TMEM209: variants seen among roughly 807,000 people sequenced by gnomAD.
TMEM209 encodes the protein testicular tissue protein Li 202.
A neutral mutation model predicts 76.2 loss-of-function variants in TMEM209; 65 were observed. The observed-to-expected ratio is 0.85, with a 90% CI of 0.70 to 1.05. TMEM209 has a LOEUF of 1.05. Among genes scored for constraint, TMEM209 ranks in the 50% least tolerant of loss-of-function variants. The pLI, the probability that TMEM209 is intolerant of heterozygous loss-of-function variation, is 0.00. For missense variants in TMEM209, 623 were observed against 685.5 expected, an observed-to-expected ratio of 0.91 and a Z score of 1.02; for synonymous variants, 239 against 237.6, an observed-to-expected ratio of 1.01 and a Z score of -0.06.
At chr7:130,182,127 A>G in intron 8 of TMEM209, 1 of 168,032 alleles carries the variant, frequency 6.0e-6, no homozygotes, top group Non-Finnish European at 1.3e-5. Flanking sequence ...TTTTTAGTAG[A>G]GACGGGGTTT....
chr7:130,178,376 T>G, intron 10 of TMEM209, 26 bp downstream of exon 10: 1 of 1,562,674 alleles, frequency 6.4e-7, no homozygotes, highest in Non-Finnish European at 8.7e-7. Context: ...AAGCTCTTAT[T>G]TTTTTCTCTT....
intron 8 of TMEM209, 70 bp from the exon 9 acceptor site, chr7:130,181,789 T>C: frequency 7.6e-7 from 1 of 1,310,278 alleles, no homozygotes; most frequent in Non-Finnish European, 1.1e-6. Flanking sequence ...ACTTTCTTTT[T>C]TACAAGCAAC....
intron 14 of TMEM209, among the ~76,000 whole-genome samples, chr7:130,170,073 T>C (rs1797018140): frequency 6.6e-6 from 1 of 152,076 alleles, no homozygotes; most frequent in Admixed American, 6.5e-5. Flanking sequence ...TGAAATGAAA[T>C]GGCTTGGAAA....
intron 3 of TMEM209, 67 bp downstream of exon 3, chr7:130,203,721 G>C: frequency 7.5e-7 from 1 of 1,328,418 alleles, no homozygotes; most frequent in East Asian, 2.4e-5. Flanking sequence ...TGTATACTAA[G>C]CTGAATTAAA....
In TMEM209 at chr7:130,202,068, C is replaced by T. The variant is rs200051270; in HGVS notation, c.355G>A (p.Asp119Asn). 3 of 1,613,380 alleles carry T rather than the reference C, an allele frequency of 1.9e-6. No individual in the cohort carries two copies. The highest frequency in any genetic ancestry group is 3.3e-5 in the Admixed American group (2 of 59,962). ...GGAGGGATTTGGGTTGCTGCCAGATCATGTGGAGGCGTAGTCTGTACAACT... is the reference window on the plus strand; with the variant it reads ...GGAGGGATTTGGGTTGCTGCCAGATTATGTGGAGGCGTAGTCTGTACAACT... ...TAVVQTTPPH[D>N]LAATQIPPAP... Residue 119 changes from aspartate (D) to asparagine (N), a missense_variant, in exon 5 of 15, where the codon GAT becomes AAT. Transcript: ENST00000397622.
chr7:130,187,876 T>C (rs1484783417), intron 6 of TMEM209, among the ~76,000 whole-genome samples: 1 of 152,036 alleles, frequency 6.6e-6, no homozygotes, highest in African/African-American at 2.4e-5. Flanking sequence ...AAGATAAGCT[T>C]ACCAGAAACA....
In TMEM209 at chr7:130,173,839, G is replaced by A. The variant is rs1392185059; in HGVS notation, c.1445C>T (p.Thr482Ile). ...GAGGTTTATACCTGGTTTATTTGGTGTCTGAACAAAGTGCTGAGAAGTAAA... is the reference window on the plus strand; with the variant it reads ...GAGGTTTATACCTGGTTTATTTGGTATCTGAACAAAGTGCTGAGAAGTAAA... Reference protein sequence around the residue: ...KTFTSQHFVQTPNKPDVTNEN... With the variant: ...KTFTSQHFVQIPNKPDVTNEN... The change falls in exon 12 of 15, where the codon ACA becomes ATA. Residue 482 changes from threonine to isoleucine, a missense_variant. Thr to Ile is a moderately conservative substitution (Grantham distance 89). Coordinates refer to ENST00000397622, the MANE Select transcript of TMEM209 (RefSeq NM_032842.4). 1.2e-6 allele frequency: 2 copies of A among 1,613,568 alleles called. No individual in the cohort carries two copies. Among genetic ancestry groups the A allele is most frequent in the East Asian group, 2.2e-5 (1 of 44,860 alleles).
intron 6 of TMEM209, among the ~76,000 whole-genome samples, chr7:130,187,174 C>T (rs190770236): frequency 2.6e-5 from 4 of 151,030 alleles, no homozygotes; most frequent in Non-Finnish European, 5.9e-5. Context: ...ACCCGGGAAG[C>T]GGAGGTTTCA....
At chr7:130,174,412 G>C (rs762762591) in intron 11 of TMEM209, among the ~76,000 whole-genome samples, 1 of 152,032 alleles carries the variant, frequency 6.6e-6, no homozygotes, top group Non-Finnish European at 1.5e-5. Flanking sequence ...GTGGAGGGTG[G>C]GGCTTAAACA....
At chr7:130,177,328 C>T (rs1345630899) in intron 10 of TMEM209, among the ~76,000 whole-genome samples, 1 of 144,300 alleles carries the variant, frequency 6.9e-6, no homozygotes. Flanking sequence ...TCTAGCCTGG[C>T]GACAGAGAGA....
Position 130,175,602 on chromosome 7 carries a change from A to G in TMEM209, c.1254T>C (p.Ser418=). 1 of 1,611,994 alleles carries G rather than the reference A, an allele frequency of 6.2e-7. No homozygotes were observed. Among genetic ancestry groups the G allele is most frequent in the Non-Finnish European group, 8.5e-7 (1 of 1,179,178 alleles). The change falls in exon 11 of 15, where the codon TCT becomes TCC. Residue 418 remains serine, a synonymous_variant. Transcript: ENST00000397622. ...GAAATGAGCTCATACAACCTCCCTG[A>G]GATAGTTCTGTGGCAACAAGGTGAA... ...EYLFERIKEL[S]QGGCMSSFRW... is the part of the protein sequence containing the mutation.
Position 130,202,648 on chromosome 7 carries a change from G to A in TMEM209, c.215C>T (p.Ser72Phe). ...AAATAAGGCATTAAGGCTGAAGAGAGATGCAAGGGCAAGCTCTGGAAGAGA... is the reference window on the plus strand; with the variant it reads ...AAATAAGGCATTAAGGCTGAAGAGAAATGCAAGGGCAAGCTCTGGAAGAGA... ...PLWYIELALA[S>F]LFSLNALFDF... Residue 72 changes from serine (S) to phenylalanine (F), a missense_variant, in exon 4 of 15, where the codon TCT (serine) becomes TTT (phenylalanine). Ser to Phe is a radical substitution (Grantham distance 155). Coordinates refer to ENST00000397622, the MANE Select transcript of TMEM209 (RefSeq NM_032842.4). The A allele has an allele frequency of 6.2e-7, 1 of 1,613,132 alleles. No individual in the cohort carries two copies.
At chr7:130,199,065 AG>A (rs1314835707) in intron 5 of TMEM209, among the ~76,000 whole-genome samples, 1 of 152,186 alleles carries the variant, frequency 6.6e-6, no homozygotes, top group Non-Finnish European at 1.5e-5. Flanking sequence ...TTCAATATAC[AG>A]GGATTGTGAA....
intron 5 of TMEM209, among the ~76,000 whole-genome samples, chr7:130,200,502 T>C (rs1253536993): frequency 2.0e-5 from 3 of 152,190 alleles, no homozygotes; most frequent in Admixed American, 1.3e-4. Flanking sequence ...AAAAGTTTTT[T>C]TATAAATGAA....
At chr7:130,170,684 A>C (rs1041735251) in intron 13 of TMEM209, among the ~76,000 whole-genome samples, 9 of 152,228 alleles carry the variant, frequency 5.9e-5, no homozygotes, top group African/African-American at 2.2e-4. Context: ...TGTCAAGGAC[A>C]TAAGGGCCAG....
At chr7:130,176,115 C>CTTTT (rs71178559) in intron 10 of TMEM209, among the ~76,000 whole-genome samples, 1 of 140,474 alleles carries the variant, frequency 7.1e-6, no homozygotes, top group Non-Finnish European at 1.5e-5. Context: ...TCACTGTATT[C>CTTTT]TTTTTTTTTT....
chr7:130,178,965 T>G (rs186647080), intron 9 of TMEM209, among the ~76,000 whole-genome samples: 1 of 152,186 alleles, frequency 6.6e-6, no homozygotes, highest in African/African-American at 2.4e-5. Context: ...TTTTTTTCTA[T>G]TTAGTAGAGA....
intron 13 of TMEM209, among the ~76,000 whole-genome samples, chr7:130,172,186 T>C (rs779901904): frequency 9.2e-5 from 14 of 152,128 alleles, no homozygotes; most frequent in Non-Finnish European, 1.5e-4. Flanking sequence ...AAGTATAAAT[T>C]GATACAATAA....
chr7:130,199,072 G>C (rs935802290), intron 5 of TMEM209, among the ~76,000 whole-genome samples: 3 of 152,090 alleles, frequency 2.0e-5, no homozygotes, highest in Non-Finnish European at 4.4e-5. Context: ...TACAGGGATT[G>C]TGAATCTAAC....
Sources: allele counts gnomAD v4.1 joint callset (sites outside exome capture counted in the v4.1 genomes callset), GRCh38; gene constraint gnomAD v4.1.1; transcripts MANE v1.5; gene names NCBI Gene and HGNC (gene_info 2026-07-23, HGNC 2026-07-21).